The following NRXN1 variants were observed in gnomAD, a reference collection of about 807,000 sequenced individuals.
NRXN1 encodes neurexin-1.
NRXN1 carries 39 observed loss-of-function variants against 150.9 expected under a neutral mutation model. That is an observed-to-expected ratio of 0.26 (90% CI 0.20 to 0.34). The LOEUF (loss-of-function observed/expected upper bound fraction) is 0.34. Ranked by LOEUF, NRXN1 falls within the 10% of genes least tolerant of loss-of-function variation. The pLI, the probability that NRXN1 is intolerant of heterozygous loss-of-function variation, is 1.00. For synonymous variants in NRXN1, 924 were observed against 757.0 expected, an observed-to-expected ratio of 1.22 and a Z score of -3.62; for missense variants, 1,815 against 1,949.9, an observed-to-expected ratio of 0.93 and a Z score of 1.30.
intron 21 of NRXN1, among the ~76,000 whole-genome samples, chr2:49,995,875 AAAAAAAAAG>A (rs1682896825): frequency 7.1e-6 from 1 of 140,124 alleles, no homozygotes; most frequent in Non-Finnish European, 1.6e-5. Flanking sequence ...AAAAAAAAAA[AAAAAAAAAG>A]AAAAAAGGAT....
At chr2:50,711,809 G>A (rs992372273) in intron 5 of NRXN1, among the ~76,000 whole-genome samples, 6 of 152,026 alleles carry the variant, frequency 3.9e-5, no homozygotes, top group African/African-American at 1.4e-4. Context: ...CTTTATAACG[G>A]GCCTCTGGAA....
At chr2:50,623,860 T>A (rs1680504804) in intron 5 of NRXN1, among the ~76,000 whole-genome samples, 1 of 152,134 alleles carries the variant, frequency 6.6e-6, no homozygotes, top group South Asian at 2.1e-4. Flanking sequence ...TATGTATACA[T>A]GTGCCATGTT....
At chr2:50,946,764 G>A (rs997596094) in intron 2 of NRXN1, among the ~76,000 whole-genome samples, 1 of 152,064 alleles carries the variant, frequency 6.6e-6, no homozygotes, top group South Asian at 2.1e-4. Context: ...AAATATTTCT[G>A]ATTTAAACTT....
intron 17 of NRXN1, among the ~76,000 whole-genome samples, chr2:50,296,306 A>G (rs2073550957): frequency 6.6e-6 from 1 of 152,228 alleles, no homozygotes; most frequent in Non-Finnish European, 1.5e-5. Context: ...AATGCTTCAA[A>G]AGCTACAGAT....
At chr2:50,351,175 T>C (rs909236768) in intron 17 of NRXN1, among the ~76,000 whole-genome samples, 3 of 152,200 alleles carry the variant, frequency 2.0e-5, no homozygotes, top group African/African-American at 7.2e-5. Context: ...TCTCACAAAT[T>C]GTTCTCAGGT....
intron 18 of NRXN1, among the ~76,000 whole-genome samples, chr2:50,122,903 C>T (rs549690491): frequency 7.2e-5 from 11 of 152,136 alleles, no homozygotes; most frequent in Non-Finnish European, 1.6e-4. Context: ...AAACCTTCTA[C>T]ATGGTAGATA....
At chr2:50,093,674 A>G (rs1699868264) in intron 18 of NRXN1, among the ~76,000 whole-genome samples, 1 of 152,082 alleles carries the variant, frequency 6.6e-6, no homozygotes, top group African/African-American at 2.4e-5. Context: ...ATCTACATGG[A>G]CCCTGAGTTT....
intron 14 of NRXN1, 122 bp from the exon 15 acceptor site, chr2:50,496,217 A>C (rs2091610923): frequency 3.1e-6 from 2 of 639,280 alleles, no homozygotes; most frequent in South Asian, 2.4e-5. Context: ...AGTCATGACA[A>C]TAAGTTACAT....
intron 17 of NRXN1, among the ~76,000 whole-genome samples, chr2:50,362,113 G>T (rs565554445): frequency 2.2e-4 from 34 of 152,178 alleles, no homozygotes; most frequent in African/African-American, 8.2e-4. Flanking sequence ...GATAATAAGA[G>T]CTATTTATGA....
intron 21 of NRXN1, among the ~76,000 whole-genome samples, chr2:49,992,615 C>G (rs1373983032): frequency 6.6e-6 from 1 of 151,826 alleles, no homozygotes; most frequent in East Asian, 1.9e-4. Context: ...CTGAAAAACT[C>G]TGTTAAGAAA....
chr2:50,312,162 A>T (rs1372557218), intron 17 of NRXN1, among the ~76,000 whole-genome samples: 1 of 152,138 alleles, frequency 6.6e-6, no homozygotes, highest in Non-Finnish European at 1.5e-5. Flanking sequence ...AAAGACTCCT[A>T]ATAGATTTAC....
chr2:50,440,284 C>T (rs1449535566), intron 17 of NRXN1, among the ~76,000 whole-genome samples: 1 of 151,976 alleles, frequency 6.6e-6, no homozygotes, highest in Non-Finnish European at 1.5e-5. Context: ...CCAGAATCTC[C>T]AAAGAGATTC....
intron 2 of NRXN1, among the ~76,000 whole-genome samples, chr2:50,963,200 C>G (rs1354428901): frequency 1.3e-5 from 2 of 151,618 alleles, no homozygotes; most frequent in Admixed American, 6.6e-5. Context: ...CACCACAACA[C>G]TTACCAGGAT....
At chr2:50,606,606 C>CAATAAT (rs3053107) in intron 8 of NRXN1, among the ~76,000 whole-genome samples, 31,372 of 146,820 alleles carry the variant, frequency 0.21, 3,722 homozygotes, top group East Asian at 0.34. Context: ...GCTGCTCATA[C>CAATAAT]AATAATAATA....
At chr2:50,593,415 T>C (rs1674616674) in intron 8 of NRXN1, among the ~76,000 whole-genome samples, 1 of 152,240 alleles carries the variant, frequency 6.6e-6, no homozygotes. Context: ...ATTTCTCTCA[T>C]ATTTTTCTAT....
chr2:50,550,605 G>C (rs929334652), intron 9 of NRXN1, among the ~76,000 whole-genome samples: 1 of 151,706 alleles, frequency 6.6e-6, no homozygotes, highest in African/African-American at 2.4e-5. Flanking sequence ...GGAAGTCAGA[G>C]GGGAACACTC....
intron 21 of NRXN1, among the ~76,000 whole-genome samples, chr2:50,037,648 T>A (rs1378477521): frequency 6.6e-6 from 1 of 152,200 alleles, no homozygotes; most frequent in African/African-American, 2.4e-5. Flanking sequence ...TGAATGACAA[T>A]GCAATAATGC....
intron 18 of NRXN1, among the ~76,000 whole-genome samples, chr2:50,210,514 T>C (rs2152843303): frequency 6.6e-6 from 1 of 151,908 alleles, no homozygotes; most frequent in South Asian, 2.1e-4. Flanking sequence ...AAATGAACTG[T>C]AATTTTGAAT....
chr2:50,472,242 TCA>T, intron 16 of NRXN1, 54 bp downstream of exon 16: 2 of 1,393,342 alleles, frequency 1.4e-6, no homozygotes, highest in Non-Finnish European at 1.9e-6. Context: ...AGATTCACTC[TCA>T]GTTAGACAGG....
Sources: gnomAD v4.1 joint callset for allele counts (sites outside exome capture counted in the v4.1 genomes callset) on GRCh38, gnomAD v4.1.1 for gene constraint, MANE v1.5 for transcripts, NCBI Gene and HGNC (gene_info 2026-07-23, HGNC 2026-07-21) for gene names.